The following CD74 variants were observed in gnomAD, a reference collection of about 807,000 sequenced individuals.
The protein encoded by CD74 is CD74 molecule, also known as HLA class II histocompatibility antigen gamma chain.
In CD74, 20 loss-of-function variants were observed where a neutral mutation model predicts 37.1. That is an observed-to-expected ratio of 0.54 (90% CI 0.38 to 0.78). CD74 has a LOEUF of 0.78. CD74 is among the 30% of genes least tolerant of loss of function. The probability of loss-of-function intolerance (pLI) is 0.00; values close to 1 mark genes in which losing one functional copy is unlikely to be tolerated. For missense variants in CD74, 338 were observed against 389.5 expected (o/e 0.87, Z 1.11); for synonymous variants, 150 against 152.0 (o/e 0.99, Z 0.10).
At position 150,402,069 on chromosome 5, in the gene CD74, T is replaced by G; in HGVS notation, c.*171A>C. ...AGCAGGGCCTTGCTGCATTGTTATC[T>G]GCTGTTCCGACTTGGTTTGTCTTGT... On this transcript the variant is annotated 3_prime_UTR_variant, in exon 9 of 9. Coordinates refer to ENST00000009530, the MANE Select transcript of CD74 (RefSeq NM_001025159.3). This position sits in a 1 kb window ranked among gnomAD's most constrained non-coding sequence, Gnocchi z 4.2. 2 of 1,539,980 alleles carry G rather than the reference T, an allele frequency of 1.3e-6. No homozygotes were observed. The highest frequency in any genetic ancestry group is 1.7e-6 in the Non-Finnish European group (2 of 1,146,866).
chr5:150,408,259 A>AAGTGGGGCCTGGCCATTTT (rs2151182260), intron 1 of CD74, among the ~76,000 whole-genome samples: 1 of 152,246 alleles, frequency 6.6e-6, no homozygotes, highest in African/African-American at 2.4e-5. Context: ...ACCTGGGAAG[A>AAGTGGGGCCTGGCCATTTT]AGTGGGGCCT....
At position 150,402,080 on chromosome 5, in the gene CD74, C is replaced by G. The variant is rs1769650838; in HGVS notation, c.*160G>C. The G allele has an allele frequency of 3.2e-6, 5 of 1,541,892 alleles. No homozygotes were observed. Among genetic ancestry groups the G allele is most frequent in the Admixed American group, 2.0e-5 (1 of 50,958 alleles). ...GCTGCATTGTTATCTGCTGTTCCGACTTGGTTTGTCTTGTCCAAGGGTGAC... is the reference window on the plus strand; with the variant it reads ...GCTGCATTGTTATCTGCTGTTCCGAGTTGGTTTGTCTTGTCCAAGGGTGAC... On this transcript the variant is annotated 3_prime_UTR_variant, in exon 9 of 9. Coordinates refer to ENST00000009530, the MANE Select transcript of CD74 (RefSeq NM_001025159.3). The surrounding 1 kb of genome is among the most constrained non-coding windows in gnomAD (Gnocchi z 4.2).
chr5:150,406,218 G>A (rs1344933445), intron 4 of CD74, 41 bp downstream of exon 4: 1 of 1,540,488 alleles, frequency 6.5e-7, no homozygotes, highest in Non-Finnish European at 9.0e-7. Flanking sequence ...CAGGGTCCTG[G>A]GTGGGCAGGC....
chr5:150,408,159 C>T (rs957168008), intron 1 of CD74, among the ~76,000 whole-genome samples: 5 of 152,090 alleles, frequency 3.3e-5, no homozygotes, highest in Non-Finnish European at 7.4e-5. Context: ...GGGTTTTCAC[C>T]CCTCTGCCCA....
chr5:150,402,759 A>G lies in CD74; in HGVS notation c.818-134T>C. The G allele has an allele frequency of 1.4e-6, 1 of 737,452 alleles. No homozygotes were observed. Among genetic ancestry groups the G allele is most frequent in the Admixed American group, 2.6e-5 (1 of 38,748 alleles). The allele number at this position is 737,452 out of a possible 1,614,324, so 45.7% of individuals were successfully genotyped here. A position where few individuals can be genotyped will look rare whatever the true frequency, so the allele number is the denominator to read the frequency against. ...CAGGTACCCAGGGAAGGACAGCTGC[A>G]AGCAGCAACAAAGAGGTGTAATGGG... On this transcript the variant is annotated intron_variant, in intron 7 of 8. Transcript: ENST00000009530. This position sits in a 1 kb window ranked among gnomAD's most constrained non-coding sequence, Gnocchi z 4.2.
chr5:150,406,833 C>A, intron 3 of CD74, 48 bp downstream of exon 3: 5 of 1,276,968 alleles, frequency 3.9e-6, no homozygotes, highest in Non-Finnish European at 5.3e-6. Context: ...TGTCCTCCAT[C>A]CAGGCGGGAT....
chr5:150,407,047 A>T lies in CD74; in HGVS notation c.299-87T>A. 6.5e-7 allele frequency: 1 copy of T among 1,537,306 alleles called. No individual in the cohort carries two copies. The highest frequency in any genetic ancestry group is 8.9e-7 in the Non-Finnish European group (1 of 1,124,858). On this transcript the variant is annotated intron_variant, in intron 2 of 8. Transcript: ENST00000009530. This position sits in a 1 kb window ranked among gnomAD's most constrained non-coding sequence, Gnocchi z 4.4. ...CAGATGAGGAAGGGCTGGAATTCCA[A>T]ACCGGAGGGAGAGGACAGTGGGCCC...
In CD74 at chr5:150,407,019, A is replaced by T; in HGVS notation, c.299-59T>A. 6.5e-7 allele frequency: 1 copy of T among 1,538,352 alleles called. No individual in the cohort carries two copies. The highest frequency in any genetic ancestry group is 8.9e-7 in the Non-Finnish European group (1 of 1,126,452). Reference sequence around the variant, plus strand: ...CGGTGCCCAGGGAGGAGGGTATCAGACCCAGATGAGGAAGGGCTGGAATTC... The same window carrying T: ...CGGTGCCCAGGGAGGAGGGTATCAGTCCCAGATGAGGAAGGGCTGGAATTC... On this transcript the variant is annotated intron_variant, in intron 2 of 8. Coordinates refer to ENST00000009530, the MANE Select transcript of CD74 (RefSeq NM_001025159.3). The surrounding 1 kb of genome is among the most constrained non-coding windows in gnomAD (Gnocchi z 4.4).
At position 150,402,968 on chromosome 5, in the gene CD74, A is replaced by G. The variant is rs981034464; in HGVS notation, c.817+153T>C. Among the ~76,000 whole-genome samples the G allele has an allele frequency of 6.6e-6, 1 of 152,232 alleles. No homozygotes were observed. The highest frequency in any genetic ancestry group is 1.5e-5 in the Non-Finnish European group (1 of 68,042). The stretch of plus-strand genomic sequence containing the variant: ...CAAATAGGAATGCACAGGTGGGTGG[A>G]TGGATAAAGGGCTGGACGCATGACT... On this transcript the variant is annotated intron_variant, in intron 7 of 8. Coordinates refer to ENST00000009530, the MANE Select transcript of CD74 (RefSeq NM_001025159.3). This position sits in a 1 kb window ranked among gnomAD's most constrained non-coding sequence, Gnocchi z 4.2.
In CD74 at chr5:150,401,895, C is replaced by T; in HGVS notation, c.*345G>A. 1 of 742,394 alleles carries T rather than the reference C, an allele frequency of 1.3e-6. No homozygotes were observed. The highest frequency in any genetic ancestry group is 2.4e-6 in the Non-Finnish European group (1 of 421,700). 46.0% of individuals were successfully genotyped at this position (742,394 alleles called of 1,614,324 possible). Reference sequence around the variant, plus strand: ...GCCTGGGGTCTGGGTGTAGGGTTATCCCTTCTCCCTGTGCCTTCCCATCTC... The same window carrying T: ...GCCTGGGGTCTGGGTGTAGGGTTATTCCTTCTCCCTGTGCCTTCCCATCTC... On this transcript the variant is annotated 3_prime_UTR_variant, in exon 9 of 9. Coordinates refer to ENST00000009530, the MANE Select transcript of CD74 (RefSeq NM_001025159.3).
At chr5:150,405,022 C>A in intron 5 of CD74, 63 bp downstream of exon 5, 27 of 1,392,444 alleles carry the variant, frequency 1.9e-5, no homozygotes, top group African/African-American at 2.9e-5. Context: ...CACCCCACCT[C>A]TCCTAGCCCT....
rs759896121 is a variant in CD74, at chr5:150,408,032, C to T, written c.126-708G>A. ...TGCTGGGATTACAAGCGTGAGTCAC[C>T]GCGCCCAGCCTTTTGTTTTGTTTTT... is the stretch of plus-strand genomic sequence containing the variant. On this transcript the variant is annotated intron_variant, in intron 1 of 8. Coordinates refer to ENST00000009530, the MANE Select transcript of CD74 (RefSeq NM_001025159.3). Among the ~76,000 whole-genome samples, 4 of 151,820 alleles carry T rather than the reference C, an allele frequency of 2.6e-5. No homozygotes were observed. The East Asian group carries it at 5.8e-4, about 22-fold the overall frequency.
rs1769784666 is a variant in CD74 at position 150,403,788 on chromosome 5, G to T, written c.626-476C>A. ...GCAGGAGAATTGCTTGAACCCGGGA[G>T]GCTGAGGTTGCAGTGAGCTGAGATC... is the stretch of plus-strand genomic sequence containing the variant. On this transcript the variant is annotated intron_variant, in intron 6 of 8. Coordinates refer to ENST00000009530, the MANE Select transcript of CD74 (RefSeq NM_001025159.3). The surrounding 1 kb of genome is among the most constrained non-coding windows in gnomAD (Gnocchi z 4.5). Among the ~76,000 whole-genome samples the T allele has an allele frequency of 6.6e-6, 1 of 152,216 alleles. No homozygotes were observed. The highest frequency in any genetic ancestry group is 1.5e-5 in the Non-Finnish European group (1 of 68,046).
In CD74 at chr5:150,401,985, G is replaced by C. The variant is rs1769640443; in HGVS notation, c.*255C>G. On this transcript the variant is annotated 3_prime_UTR_variant, in exon 9 of 9. Coordinates refer to ENST00000009530, the MANE Select transcript of CD74 (RefSeq NM_001025159.3). ...GCTGTGATGTCAGGAACGGGGATCT[G>C]TCTAGCTTTTGGCCACTTCCTGGGA... is the stretch of plus-strand genomic sequence containing the variant. 3 of 1,399,722 alleles carry C rather than the reference G, an allele frequency of 2.1e-6. No individual in the cohort carries two copies. In the East Asian group the frequency reaches 7.4e-5, roughly 35 times the overall value. The allele number at this position is 1,399,722 out of a possible 1,614,324, so 86.7% of individuals were successfully genotyped here.
In CD74 at chr5:150,403,947, GT is replaced by G. The variant is rs1769796284; in HGVS notation, c.626-636del. 6.6e-6 allele frequency among the ~76,000 whole-genome samples: 1 copy of G among 152,228 alleles called. No homozygotes were observed. The highest frequency in any genetic ancestry group is 2.1e-4 in the South Asian group (1 of 4,836). ...CTAGAGAAAAGCAATGGGCACCTTGGTAAGTCTAAGCTTCCTGTTACTGGGA... is the reference window on the plus strand; with the variant it reads ...CTAGAGAAAAGCAATGGGCACCTTGGAAGTCTAAGCTTCCTGTTACTGGGA... On this transcript the variant is annotated intron_variant, in intron 6 of 8. Transcript: ENST00000009530. The surrounding 1 kb of genome is among the most constrained non-coding windows in gnomAD (Gnocchi z 4.5).
chr5:150,407,397 G>T lies in CD74; in HGVS notation c.126-73C>A. The T allele has an allele frequency of 7.7e-7, 1 of 1,303,070 alleles. No individual in the cohort carries two copies. Among genetic ancestry groups the T allele is most frequent in the South Asian group, 1.3e-5 (1 of 74,120 alleles). The allele number at this position is 1,303,070 out of a possible 1,614,324, so 80.7% of individuals were successfully genotyped here. On this transcript the variant is annotated intron_variant, in intron 1 of 8. Transcript: ENST00000009530. The surrounding 1 kb of genome is among the most constrained non-coding windows in gnomAD (Gnocchi z 4.4). The stretch of plus-strand genomic sequence containing the variant: ...CTGCCCCAAGGGCTGGCTAGGAATG[G>T]GGAAATGTATACCCCCATCTCCATT...
In CD74 at chr5:150,403,079, T is replaced by A. The variant is rs1284781263; in HGVS notation, c.817+42A>T. 1 of 1,557,034 alleles carries A rather than the reference T, an allele frequency of 6.4e-7. No homozygotes were observed. On this transcript the variant is annotated intron_variant, in intron 7 of 8. Coordinates refer to ENST00000009530, the MANE Select transcript of CD74 (RefSeq NM_001025159.3). The surrounding 1 kb of genome is among the most constrained non-coding windows in gnomAD (Gnocchi z 4.5). ...ACCTCTTGCCCCTCAACCTTCCTAG[T>A]CCTTCCTGGTCCTCTGACACTGGCA...
At chr5:150,404,575 C>T (rs187512711) in intron 6 of CD74, 105 bp downstream of exon 6, 34 of 650,572 alleles carry the variant, frequency 5.2e-5, no homozygotes, top group African/African-American at 3.8e-4. Flanking sequence ...TGGGAGATTC[C>T]GCGGTGCTGG....
At position 150,403,380 on chromosome 5, in the gene CD74, A is replaced by G. The variant is rs1483678011; in HGVS notation, c.626-68T>C. 37 of 1,367,676 alleles carry G rather than the reference A, an allele frequency of 2.7e-5. No homozygotes were observed. The highest frequency in any genetic ancestry group is 3.3e-5 in the Non-Finnish European group (32 of 958,678). The allele number at this position is 1,367,676 out of a possible 1,614,324, so 84.7% of individuals were successfully genotyped here. ...TCTGAACCAGGGTCTGAGCAGAGCTAAAGACCCACACACCACTGCTGTGGG... is the reference window on the plus strand; with the variant it reads ...TCTGAACCAGGGTCTGAGCAGAGCTGAAGACCCACACACCACTGCTGTGGG... On this transcript the variant is annotated intron_variant, in intron 6 of 8. Transcript: ENST00000009530. The surrounding 1 kb of genome is among the most constrained non-coding windows in gnomAD (Gnocchi z 4.5).
Sources: gnomAD v4.1 joint callset for allele counts (sites outside exome capture counted in the v4.1 genomes callset) on GRCh38, gnomAD v4.1.1 for gene constraint, Gnocchi (gnomAD v3.1) non-coding constraint, MANE v1.5 for transcripts, NCBI Gene and HGNC (gene_info 2026-07-23, HGNC 2026-07-21) for gene names.